The following AGBL3 variants were observed in gnomAD, a reference collection of about 807,000 sequenced individuals.
AGBL3 encodes the protein cytosolic carboxypeptidase 3.
Under a neutral mutation model 94.5 loss-of-function variants are expected in AGBL3, and 68 were observed. That is an observed-to-expected ratio of 0.72 (90% confidence interval 0.59 to 0.88). The LOEUF (loss-of-function observed/expected upper bound fraction) is 0.88. AGBL3 is among the 40% of genes least tolerant of loss of function. The pLI, the probability that AGBL3 is intolerant of heterozygous loss-of-function variation, is 0.00. For missense variants in AGBL3, 934 were observed against 1,103.8 expected (o/e 0.85, Z 2.18); for synonymous variants, 354 against 370.7 (o/e 0.95, Z 0.52).
intron 5 of AGBL3, among the ~76,000 whole-genome samples, chr7:135,024,788 AAAAACC>A (rs1814906658): frequency 6.6e-6 from 1 of 152,228 alleles, no homozygotes; most frequent in Non-Finnish European, 1.5e-5. Flanking sequence ...CATTTTAAGA[AAAAACC>A]AAACTGAACT....
At chr7:135,043,248 A>C (rs1817038991) in intron 8 of AGBL3, among the ~76,000 whole-genome samples, 1 of 152,228 alleles carries the variant, frequency 6.6e-6, no homozygotes, top group South Asian at 2.1e-4. Flanking sequence ...ACATATACAG[A>C]ATGGGTACTA....
At position 135,129,061 on chromosome 7, in the gene AGBL3, G is replaced by A. The variant is rs1585285154; in HGVS notation, c.2343-5780G>A. 1.1e-5 allele frequency: 17 copies of A among 1,608,568 alleles called. No individual in the cohort carries two copies. The East Asian group carries it at 3.6e-4, about 34-fold the overall frequency. On this transcript the variant is annotated intron_variant, in intron 16 of 16. Transcript: ENST00000436302. ...GATGGCCAGGTTCAATGCCTCAACTGCCCAGAACCAAAGTGCCCTTCAGTG... is the reference window on the plus strand; with the variant it reads ...GATGGCCAGGTTCAATGCCTCAACTACCCAGAACCAAAGTGCCCTTCAGTG...
At chr7:134,999,824 T>C (rs565435170) in intron 4 of AGBL3, among the ~76,000 whole-genome samples, 14 of 152,372 alleles carry the variant, frequency 9.2e-5, no homozygotes, top group African/African-American at 3.4e-4. Flanking sequence ...CCTGAGCAGA[T>C]TGTTCTTACC....
chr7:135,081,677 G>C, intron 14 of AGBL3, 42 bp from the exon 15 acceptor site: 1 of 1,281,310 alleles, frequency 7.8e-7, no homozygotes, highest in Non-Finnish European at 1.1e-6. Flanking sequence ...GTAAATGGGC[G>C]AGTTATTTTC....
At chr7:135,008,261 GT>G (rs1812650794) in intron 4 of AGBL3, among the ~76,000 whole-genome samples, 1 of 152,126 alleles carries the variant, frequency 6.6e-6, no homozygotes, top group African/African-American at 2.4e-5. Flanking sequence ...AATTTAGACA[GT>G]GTGGTACTGT....
At position 135,115,374 on chromosome 7, in the gene AGBL3, C is replaced by T. The variant is rs1406882037; in HGVS notation, c.2111-6C>T. 2 of 1,537,820 alleles carry T rather than the reference C, an allele frequency of 1.3e-6. No homozygotes were observed. Among genetic ancestry groups the T allele is most frequent in the African/African-American group, 1.4e-5 (1 of 72,316 alleles). ...CTCTGTACATATTTTTGTGGTTGCT[C>T]CCCAGATCTGCACCACAACTTAAAA... On this transcript the variant is annotated splice_region_variant and splice_polypyrimidine_tract_variant and intron_variant, in intron 15 of 16. Transcript: ENST00000436302.
intron 16 of AGBL3, chr7:135,129,308 C>T: frequency 7.0e-7 from 1 of 1,432,040 alleles, no homozygotes; most frequent in Non-Finnish European, 9.9e-7. Flanking sequence ...ACCATGGGGT[C>T]TCTCCATGTA....
At position 135,081,778 on chromosome 7, in the gene AGBL3, A is replaced by C; in HGVS notation, c.2098A>C (p.Asn700His). The change falls in exon 15 of 17, where the codon AAT (asparagine) becomes CAT (histidine). Residue 700 changes from asparagine to histidine, a missense_variant. Around this residue, in one of 3 missense-constraint regions of AGBL3, gnomAD observed 441 missense variants for 518.2 expected, o/e 0.85. Coordinates refer to ENST00000436302, the MANE Select transcript of AGBL3 (RefSeq NM_178563.4). ...TGATTATTTCAGAAGACAATTACCTAATCAAGGTTTGGGTGAGTAAAATAG... is the reference window on the plus strand; with the variant it reads ...TGATTATTTCAGAAGACAATTACCTCATCAAGGTTTGGGTGAGTAAAATAG... ...MVDYFRRQLP[N>H]QGLDLHHNLK... The C allele has an allele frequency of 1.3e-6, 2 of 1,536,022 alleles. No homozygotes were observed. Among genetic ancestry groups the C allele is most frequent in the Non-Finnish European group, 1.8e-6 (2 of 1,136,444 alleles).
chr7:135,043,524 C>T (rs753288892), intron 8 of AGBL3, among the ~76,000 whole-genome samples: 5 of 151,912 alleles, frequency 3.3e-5, no homozygotes, highest in Non-Finnish European at 7.4e-5. Flanking sequence ...TTTGATGGCA[C>T]AAGAGGGTGA....
intron 5 of AGBL3, among the ~76,000 whole-genome samples, chr7:135,017,634 C>T (rs1364557132): frequency 6.6e-6 from 1 of 152,212 alleles, no homozygotes; most frequent in African/African-American, 2.4e-5. Context: ...ATACTCTCAA[C>T]TATACTGCTC....
intron 12 of AGBL3, among the ~76,000 whole-genome samples, chr7:135,071,897 C>A (rs1188948020): frequency 2.6e-5 from 4 of 152,040 alleles, no homozygotes; most frequent in Non-Finnish European, 4.4e-5. Flanking sequence ...GCAACAAAAG[C>A]CAAAATTGAC....
chr7:135,065,960 A>C (rs956707279), intron 12 of AGBL3, among the ~76,000 whole-genome samples: 1 of 152,170 alleles, frequency 6.6e-6, no homozygotes, highest in Non-Finnish European at 1.5e-5. Flanking sequence ...CCTTTATACT[A>C]CACACAAAAA....
chr7:135,051,715 T>C (rs1263183395), intron 11 of AGBL3, among the ~76,000 whole-genome samples: 1 of 152,140 alleles, frequency 6.6e-6, no homozygotes, highest in Admixed American at 6.6e-5. Flanking sequence ...CCTTATTTTT[T>C]ATACTTGTAT....
At position 135,002,463 on chromosome 7, in the gene AGBL3, G is replaced by A. The variant is rs1389665616; in HGVS notation, c.310+8785G>A. On this transcript the variant is annotated intron_variant, in intron 4 of 16. Transcript: ENST00000436302. ...AGTTATGTCTGTATGGAATGCCCAC[G>A]TGGCTGGCTTTAGTTATTCAGTCCC... Among the ~76,000 whole-genome samples, 54 of 152,058 alleles carry A rather than the reference G, an allele frequency of 3.6e-4. 1 individual carries two copies. Among genetic ancestry groups the A allele is most frequent in the Admixed American group, 3.5e-3 (54 of 15,254 alleles).
chr7:135,048,102 A>C (rs1817542734), intron 11 of AGBL3, among the ~76,000 whole-genome samples: 1 of 151,744 alleles, frequency 6.6e-6, no homozygotes, highest in Admixed American at 6.6e-5. Context: ...TATTTGTTGA[A>C]GATATTATTC....
intron 14 of AGBL3, among the ~76,000 whole-genome samples, chr7:135,080,834 T>C (rs1232057034): frequency 6.6e-6 from 1 of 150,964 alleles, no homozygotes; most frequent in South Asian, 2.1e-4. Flanking sequence ...ATATTTTGAT[T>C]TTATCTAAAA....
At chr7:134,999,300 T>C (rs1811412310) in intron 4 of AGBL3, among the ~76,000 whole-genome samples, 1 of 152,210 alleles carries the variant, frequency 6.6e-6, no homozygotes, top group Admixed American at 6.5e-5. Flanking sequence ...TTTTATAGTC[T>C]CTGGGGGCTA....
chr7:135,092,234 C>T (rs1821958302), intron 15 of AGBL3: 1 of 152,148 alleles, frequency 6.6e-6, no homozygotes, highest in Admixed American at 6.5e-5. Context: ...AGAAAAGTAA[C>T]TTATGAGCTG....
chr7:134,988,100 G>T, intron 2 of AGBL3, 104 bp downstream of exon 2: 1 of 908,864 alleles, frequency 1.1e-6, no homozygotes, highest in Non-Finnish European at 1.6e-6. Context: ...TCAATTGGAT[G>T]TTTAAATTAT....
Sources: gnomAD v4.1 joint callset for allele counts (sites outside exome capture counted in the v4.1 genomes callset) on GRCh38, gnomAD v4.1.1 for gene constraint, gnomAD v4.1.1 regional missense constraint, MANE v1.5 for transcripts, NCBI Gene and HGNC (gene_info 2026-07-23, HGNC 2026-07-21) for gene names.